CACNA1B: variants seen among roughly 807,000 people sequenced by gnomAD.
CACNA1B encodes the protein voltage-dependent N-type calcium channel subunit alpha-1B.
A neutral mutation model predicts 247.2 loss-of-function variants in CACNA1B; 70 were observed. The observed-to-expected ratio is 0.28, with a 90% CI of 0.23 to 0.35. CACNA1B has a LOEUF of 0.35. Ranked by LOEUF, CACNA1B falls within the 10% of genes least tolerant of loss-of-function variation. The pLI, the probability that CACNA1B is intolerant of heterozygous loss-of-function variation, is 1.00. For synonymous variants in CACNA1B, 1,231 were observed against 1,294.4 expected, an observed-to-expected ratio of 0.95 and a Z score of 1.05; for missense variants, 2,367 against 3,197.4, an observed-to-expected ratio of 0.74 and a Z score of 6.26.
rs557882316 is a variant in CACNA1B at position 137,952,240 on chromosome 9, C to T, written c.967-34C>T. ...CTGTGGCCGGGACTGTGTTTTGTCCCTGTCCTTCCTCATCTCCCTCTCCTT... is the reference window on the plus strand; with the variant it reads ...CTGTGGCCGGGACTGTGTTTTGTCCTTGTCCTTCCTCATCTCCCTCTCCTT... On this transcript the variant is annotated intron_variant, in intron 6 of 46. Coordinates refer to ENST00000371372, the MANE Select transcript of CACNA1B (RefSeq NM_000718.4). This position sits in a 1 kb window ranked among gnomAD's most constrained non-coding sequence, Gnocchi z 4.8. 1.9e-5 allele frequency: 30 copies of T among 1,568,416 alleles called. No homozygotes were observed. The East Asian group carries it at 6.5e-4, about 34-fold the overall frequency.
chr9:137,979,937 A>G (rs1020702228), intron 12 of CACNA1B, among the ~76,000 whole-genome samples: 1 of 152,246 alleles, frequency 6.6e-6, no homozygotes, highest in East Asian at 1.9e-4. Context: ...CCACTGGTCC[A>G]TAGGGATTCT....
intron 20 of CACNA1B, among the ~76,000 whole-genome samples, chr9:138,040,851 C>A (rs890268537): frequency 2.0e-5 from 3 of 152,134 alleles, no homozygotes; most frequent in African/African-American, 7.2e-5. Context: ...ATCCTTCAAT[C>A]CAATCAAGTT....
rs376261370 is a variant in CACNA1B at position 137,922,254 on chromosome 9, G to A, written c.966+4823G>A. ...AAGCATCCTGGGAGCAGAGTAAAGCGTTCGGAGAACATGATCAGCACCACG... is the reference window on the plus strand; with the variant it reads ...AAGCATCCTGGGAGCAGAGTAAAGCATTCGGAGAACATGATCAGCACCACG... On this transcript the variant is annotated intron_variant, in intron 6 of 46. Transcript: ENST00000371372. 1.0e-2 allele frequency among the ~76,000 whole-genome samples: 1,436 copies of A among 143,972 alleles called. 14 individuals are homozygous for A. The highest frequency in any genetic ancestry group is 0.017 in the Non-Finnish European group (1,137 of 66,462). The allele number at this position is 143,972 out of a possible 152,430, so 94.5% of individuals were successfully genotyped here. A position where few individuals can be genotyped will look rare whatever the true frequency, so the allele number is the denominator to read the frequency against.
intron 15 of CACNA1B, among the ~76,000 whole-genome samples, chr9:138,005,910 G>T (rs183216474): frequency 6.6e-6 from 1 of 152,168 alleles, no homozygotes; most frequent in East Asian, 1.9e-4. Flanking sequence ...GGGTGAGGTG[G>T]TGGGTGCCTG....
chr9:138,055,858 C>G (rs563671605), intron 26 of CACNA1B, among the ~76,000 whole-genome samples: 1 of 152,114 alleles, frequency 6.6e-6, no homozygotes, highest in Non-Finnish European at 1.5e-5. Flanking sequence ...AACCCTGTCT[C>G]TACTAAAACT....
intron 20 of CACNA1B, among the ~76,000 whole-genome samples, chr9:138,025,587 G>T (rs1025839126): frequency 2.0e-5 from 3 of 152,224 alleles, no homozygotes; most frequent in African/African-American, 7.2e-5. Context: ...GGGCTGCAGA[G>T]GAGGAGGCTC....
intron 18 of CACNA1B, among the ~76,000 whole-genome samples, chr9:138,021,324 AC>A (rs1958842548): frequency 6.6e-6 from 1 of 152,120 alleles, no homozygotes; most frequent in African/African-American, 2.4e-5. Flanking sequence ...CCCCCACCCC[AC>A]CCAAGCTCCC....
chr9:138,028,018 C>T (rs982514375), intron 20 of CACNA1B, among the ~76,000 whole-genome samples: 11 of 150,044 alleles, frequency 7.3e-5, no homozygotes, highest in Admixed American at 7.3e-4. Context: ...CCACTCCCCC[C>T]CAACCTTTTT....
At chr9:138,005,100 A>G (rs536575004) in intron 15 of CACNA1B, among the ~76,000 whole-genome samples, 25 of 152,350 alleles carry the variant, frequency 1.6e-4, no homozygotes, top group African/African-American at 6.0e-4. Flanking sequence ...CCATACCACA[A>G]AAATCCCACT....
chr9:138,097,760 G>A (rs558186696), intron 37 of CACNA1B, among the ~76,000 whole-genome samples: 24 of 152,318 alleles, frequency 1.6e-4, no homozygotes, highest in African/African-American at 5.1e-4. Context: ...CCGGCAGGAC[G>A]TGGTCAGACC....
Position 137,955,588 on chromosome 9 carries a change from C to T in CACNA1B, c.1071-110C>T. 1 of 716,414 alleles carries T rather than the reference C, an allele frequency of 1.4e-6. No individual in the cohort carries two copies. 44.4% of individuals were successfully genotyped at this position (716,414 alleles called of 1,614,324 possible). ...GGGGCCTGCCTGAAGCAGCAGCCTG[C>T]AGCCTGCGTCTCCTGTCCCAGGCTT... On this transcript the variant is annotated intron_variant, in intron 7 of 46. Transcript: ENST00000371372. This position sits in a 1 kb window ranked among gnomAD's most constrained non-coding sequence, Gnocchi z 6.9.
intron 3 of CACNA1B, chr9:137,892,491 T>C (rs11137295): frequency 4.1e-5 from 16 of 387,848 alleles, no homozygotes; most frequent in Non-Finnish European, 8.3e-5. Context: ...CCGCCATAGT[T>C]CTCCCCCTTT....
chr9:137,889,101 G>T (rs1452444004), intron 3 of CACNA1B, among the ~76,000 whole-genome samples: 2 of 149,990 alleles, frequency 1.3e-5, no homozygotes. Context: ...GCCCAGAGAC[G>T]CTGCCTTCCC....
At chr9:137,985,869 T>C (rs1048403708) in intron 13 of CACNA1B, among the ~76,000 whole-genome samples, 1 of 152,180 alleles carries the variant, frequency 6.6e-6, no homozygotes, top group Non-Finnish European at 1.5e-5. Flanking sequence ...GTCTGCGTGG[T>C]GTCACCCTAC....
chr9:138,048,733 T>C (rs1451451092), intron 23 of CACNA1B, among the ~76,000 whole-genome samples: 2 of 152,224 alleles, frequency 1.3e-5, no homozygotes, highest in Non-Finnish European at 2.9e-5. Context: ...GTTTGGTTTT[T>C]TGAGACAGGG....
chr9:137,935,023 A>C (rs1399909060), intron 6 of CACNA1B, among the ~76,000 whole-genome samples: 1 of 152,260 alleles, frequency 6.6e-6, no homozygotes, highest in Non-Finnish European at 1.5e-5. Context: ...TTAGTTATTA[A>C]GCTAATCAGA....
At chr9:138,032,247 T>C (rs1181038647) in intron 20 of CACNA1B, among the ~76,000 whole-genome samples, 1 of 152,148 alleles carries the variant, frequency 6.6e-6, no homozygotes, top group Non-Finnish European at 1.5e-5. Context: ...TTTCTTCATG[T>C]AGTCATTTTA....
At chr9:137,933,090 G>A (rs1957626233) in intron 6 of CACNA1B, among the ~76,000 whole-genome samples, 2 of 152,136 alleles carry the variant, frequency 1.3e-5, no homozygotes, top group South Asian at 2.1e-4. Context: ...GTGCCACCAC[G>A]CCCGGCTAGT....
intron 6 of CACNA1B, among the ~76,000 whole-genome samples, chr9:137,923,956 A>G (rs925150379): frequency 2.0e-5 from 3 of 152,184 alleles, no homozygotes; most frequent in Admixed American, 1.3e-4. Context: ...GTCTCTTCAC[A>G]TCTTTTGCCC....
Sources: allele counts gnomAD v4.1 joint callset (sites outside exome capture counted in the v4.1 genomes callset), GRCh38; gene constraint gnomAD v4.1.1; non-coding constraint Gnocchi (gnomAD v3.1); transcripts MANE v1.5; gene names NCBI Gene and HGNC (gene_info 2026-07-23, HGNC 2026-07-21).